Variants in MRC1 observed in about 807,000 individuals in gnomAD.
The protein encoded by MRC1 is mannose receptor C-type 1, also known as macrophage mannose receptor 1.
MRC1 carries 62 observed loss-of-function variants against 102.9 expected under a neutral mutation model. The ratio of observed to expected loss-of-function variants is 0.60; its 90% CI spans 0.49 to 0.74. The LOEUF (loss-of-function observed/expected upper bound fraction) is 0.74, where lower values mean the gene tolerates loss of function less well. Among genes scored for constraint, MRC1 ranks in the 30% least tolerant of loss-of-function variants. The pLI is 0.00. For synonymous variants in MRC1, 457 were observed against 298.4 expected, an observed-to-expected ratio of 1.53 and a Z score of -5.48; for missense variants, 1,237 against 862.8, an observed-to-expected ratio of 1.43 and a Z score of -5.43.
At chr10:17,878,781 GCCTCC>G (rs1379782158) in intron 18 of MRC1, among the ~76,000 whole-genome samples, 1 of 152,038 alleles carries the variant, frequency 6.6e-6, no homozygotes, top group Non-Finnish European at 1.5e-5. Flanking sequence ...TTCCGCTTCA[GCCTCC>G]CAAGTAGCTG....
chr10:17,858,055 T>C (rs1395947151), intron 9 of MRC1, among the ~76,000 whole-genome samples: 1 of 152,036 alleles, frequency 6.6e-6, no homozygotes, highest in Non-Finnish European at 1.5e-5. Flanking sequence ...TGGGGAAAAT[T>C]TATAGATATG....
intron 4 of MRC1, among the ~76,000 whole-genome samples, chr10:17,839,643 T>TA (rs1309973876): frequency 6.6e-6 from 1 of 152,056 alleles, no homozygotes; most frequent in Admixed American, 6.6e-5. Flanking sequence ...ACTCCATCTC[T>TA]AAAAAATAAA....
intron 3 of MRC1, among the ~76,000 whole-genome samples, chr10:17,833,216 T>G (rs1838606127): frequency 1.3e-5 from 2 of 151,914 alleles, no homozygotes; most frequent in Non-Finnish European, 2.9e-5. Context: ...AATCTCAAAG[T>G]CATCTTAAAA....
At chr10:17,855,076 G>C (rs1004731624) in intron 8 of MRC1, among the ~76,000 whole-genome samples, 14 of 152,196 alleles carry the variant, frequency 9.2e-5, no homozygotes, top group Admixed American at 2.0e-4. Context: ...GGAAAAGAGA[G>C]GGGATAGAAT....
intron 1 of MRC1, among the ~76,000 whole-genome samples, chr10:17,810,232 A>G (rs1838202069): frequency 6.6e-6 from 1 of 152,148 alleles, no homozygotes; most frequent in South Asian, 2.1e-4. Context: ...CTATTTCTCT[A>G]TACTCAGTTG....
chr10:17,869,951 G>A (rs939727440), intron 12 of MRC1, among the ~76,000 whole-genome samples: 2 of 151,932 alleles, frequency 1.3e-5, no homozygotes, highest in South Asian at 2.1e-4. Flanking sequence ...TGTCTTCCAC[G>A]AAGAGCTGTA....
At chr10:17,867,205 CCCTCCCTCCTCCTTCCTCCATCCTCCCT>C (rs1833283262) in intron 12 of MRC1, among the ~76,000 whole-genome samples, 1 of 147,646 alleles carries the variant, frequency 6.8e-6, no homozygotes, top group Admixed American at 6.8e-5. Flanking sequence ...CTCCTGTCTT[CCCTCCCTCCTCCTTCCTCCATCCTCCCT>C]CCTCTCTCCC....
chr10:17,861,349 A>C (rs1231150524), intron 9 of MRC1, 38 bp from the exon 10 acceptor site: 1 of 830,580 alleles, frequency 1.2e-6, no homozygotes, highest in Non-Finnish European at 2.2e-6. Context: ...ATATGCATGA[A>C]CTCTGCTCAT....
At chr10:17,873,725 GA>G (rs1833387443) in intron 15 of MRC1, 58 bp from the exon 16 acceptor site, 1 of 853,422 alleles carries the variant, frequency 1.2e-6, no homozygotes, top group Non-Finnish European at 2.1e-6. Flanking sequence ...ACAATAGAAG[GA>G]AATGTAATTA....
chr10:17,837,858 A>T (rs1047457109), intron 4 of MRC1, among the ~76,000 whole-genome samples: 2,655 of 152,064 alleles, frequency 0.017, 49 homozygotes, highest in South Asian at 0.082. Flanking sequence ...GCCTCAGCCT[A>T]CCAAAGTGCT....
intron 17 of MRC1, among the ~76,000 whole-genome samples, chr10:17,876,152 A>C (rs1833434001): frequency 6.6e-6 from 1 of 152,212 alleles, no homozygotes; most frequent in Non-Finnish European, 1.5e-5. Context: ...CCAAAGGTCA[A>C]GGTAAAGATG....
chr10:17,834,111 C>T (rs1554839281), intron 4 of MRC1, among the ~76,000 whole-genome samples: 1 of 152,136 alleles, frequency 6.6e-6, no homozygotes, highest in Admixed American at 6.5e-5. Context: ...GTAAAAGATG[C>T]CACAATCGAT....
At chr10:17,828,911 T>C (rs1170307910) in intron 3 of MRC1, among the ~76,000 whole-genome samples, 1 of 151,536 alleles carries the variant, frequency 6.6e-6, no homozygotes, top group African/African-American at 2.4e-5. Flanking sequence ...AAGGCAGAGC[T>C]GGGGCTGAGG....
rs1387889810 is a variant in MRC1, at chr10:17,910,897, A to C, written c.*432A>C. On this transcript the variant is annotated 3_prime_UTR_variant, in exon 30 of 30. Coordinates refer to ENST00000569591, the MANE Select transcript of MRC1 (RefSeq NM_002438.4). Reference sequence around the variant, plus strand: ...GGTACAAATTTCCTCAAGTGGCATAAAAATGTAGTCAGTTTTCTCTTTTAC... The same window carrying C: ...GGTACAAATTTCCTCAAGTGGCATACAAATGTAGTCAGTTTTCTCTTTTAC... The C allele has an allele frequency of 1.1e-5, 2 of 177,782 alleles. No individual in the cohort carries two copies. The highest frequency in any genetic ancestry group is 1.1e-4 in the South Asian group (1 of 9,240). The allele number at this position is 177,782 out of a possible 1,614,324, so 11.0% of individuals were successfully genotyped here.
intron 22 of MRC1, among the ~76,000 whole-genome samples, chr10:17,892,240 T>G (rs1833689571): frequency 6.6e-6 from 1 of 152,196 alleles, no homozygotes; most frequent in Non-Finnish European, 1.5e-5. Context: ...GTAGGACTCA[T>G]GGAAGGAAAA....
chr10:17,893,856 T>A (rs1833715031), intron 22 of MRC1, among the ~76,000 whole-genome samples: 2 of 152,226 alleles, frequency 1.3e-5, no homozygotes, highest in African/African-American at 4.8e-5. Flanking sequence ...ACTTTTGGGT[T>A]TGAATACTGG....
chr10:17,847,826 A>G (rs1838848186), intron 6 of MRC1, among the ~76,000 whole-genome samples: 2 of 149,174 alleles, frequency 1.3e-5, no homozygotes, highest in South Asian at 4.3e-4. Flanking sequence ...GAAGGACAGC[A>G]TTGGCTGATA....
At chr10:17,826,869 A>G (rs1016050808) in intron 2 of MRC1, among the ~76,000 whole-genome samples, 42 of 152,336 alleles carry the variant, frequency 2.8e-4, no homozygotes, top group African/African-American at 9.6e-4. Context: ...CATGATAGGG[A>G]TTAGAGAACA....
intron 3 of MRC1, among the ~76,000 whole-genome samples, chr10:17,833,047 G>A (rs1302080207): frequency 9.9e-6 from 1 of 100,600 alleles, no homozygotes; most frequent in Non-Finnish European, 1.8e-5. Flanking sequence ...TAGTATCCAA[G>A]GTCTATTGTC....
Sources: gnomAD v4.1 joint callset for allele counts (sites outside exome capture counted in the v4.1 genomes callset) on GRCh38, gnomAD v4.1.1 for gene constraint, MANE v1.5 for transcripts, NCBI Gene and HGNC (gene_info 2026-07-23, HGNC 2026-07-21) for gene names.